The following NHSL1 variants were observed in gnomAD, a reference collection of about 807,000 sequenced individuals.
NHSL1 encodes the protein NHS-like protein 1.
A neutral mutation model predicts 95.0 loss-of-function variants in NHSL1; 48 were observed. That is an observed-to-expected ratio of 0.51 (90% CI 0.40 to 0.64). The LOEUF (loss-of-function observed/expected upper bound fraction) is 0.64, where lower values mean the gene tolerates loss of function less well. NHSL1 is among the 30% of genes least tolerant of loss of function. The pLI is 0.00. For synonymous variants in NHSL1, 783 were observed against 833.9 expected, an observed-to-expected ratio of 0.94 and a Z score of 1.05; for missense variants, 1,971 against 2,077.7, an observed-to-expected ratio of 0.95 and a Z score of 1.00.
chr6:138,553,274 G>C lies in NHSL1; in HGVS notation c.202+18436C>G, dbSNP rs533541488. On this transcript the variant is annotated intron_variant, in intron 1 of 6. Coordinates refer to the NHSL1 transcript ENST00000427025. Reference sequence around the variant, plus strand: ...TTGTACCTCTATTGTCTTGAATCAGGCTATTGCCTCCTTTGTCTGGAATGC... The same window carrying C: ...TTGTACCTCTATTGTCTTGAATCAGCCTATTGCCTCCTTTGTCTGGAATGC... Among the ~76,000 whole-genome samples, 156 of 152,224 alleles carry C rather than the reference G, an allele frequency of 1.0e-3. 1 individual carries two copies. The highest frequency in any genetic ancestry group is 3.6e-3 in the African/African-American group (148 of 41,530).
chr6:138,581,692 CAAAAAAAAAA>C (rs1163761095), intron 1 of NHSL1, among the ~76,000 whole-genome samples: 82 of 67,300 alleles, frequency 1.2e-3, no homozygotes, highest in East Asian at 5.6e-3. Context: ...ACTCCGTCTC[CAAAAAAAAAA>C]AAAAAAAAAA....
intron 4 of NHSL1, among the ~76,000 whole-genome samples, chr6:138,443,749 G>A (rs1195400500): frequency 6.6e-6 from 1 of 152,234 alleles, no homozygotes; most frequent in East Asian, 1.9e-4. Flanking sequence ...AGGATCGCTT[G>A]AGCCTGGGAG....
rs538830024 is a variant in NHSL1, at chr6:138,511,673, C to T, written c.17-15302G>A. ...ATAATAGGCCAGGCAAAGTGGCTGACGCCTGTAATAACAGCACTTTAGAAA... is the reference window on the plus strand; with the variant it reads ...ATAATAGGCCAGGCAAAGTGGCTGATGCCTGTAATAACAGCACTTTAGAAA... On this transcript the variant is annotated intron_variant, in intron 1 of 4. Coordinates refer to the NHSL1 transcript ENST00000342260. 1.2e-4 allele frequency among the ~76,000 whole-genome samples: 18 copies of T among 152,284 alleles called. 1 individual carries two copies. Among genetic ancestry groups the T allele is most frequent in the African/African-American group, 1.9e-4 (8 of 41,552 alleles).
chr6:138,477,865 A>AT (rs753289714), intron 2 of NHSL1, among the ~76,000 whole-genome samples: 1 of 152,066 alleles, frequency 6.6e-6, no homozygotes, highest in Non-Finnish European at 1.5e-5. Context: ...CACGTGTTAG[A>AT]TTTTAAAAGA....
intron 1 of NHSL1, among the ~76,000 whole-genome samples, chr6:138,676,646 TTTTG>T (rs749248904): frequency 5.4e-4 from 82 of 152,058 alleles, no homozygotes; most frequent in Admixed American, 8.5e-4. Context: ...TGCCTCCACT[TTTTG>T]TTTGTTTGTT....
At chr6:138,497,314 G>A (rs1479711828) in intron 1 of NHSL1, among the ~76,000 whole-genome samples, 1 of 152,170 alleles carries the variant, frequency 6.6e-6, no homozygotes, top group African/African-American at 2.4e-5. Context: ...AGGCATAAGA[G>A]AGACTGGAAA....
At chr6:138,494,779 G>A (rs73774825) in intron 2 of NHSL1, among the ~76,000 whole-genome samples, 3,078 of 152,240 alleles carry the variant, frequency 0.02, 49 homozygotes, top group South Asian at 0.077. Context: ...AATACTGCAT[G>A]GTAGGAGAAG....
Position 138,459,713 on chromosome 6 carries a change from C to T in NHSL1, c.340-12520G>A, listed in dbSNP as rs1777867431. Among the ~76,000 whole-genome samples, 7 of 152,210 alleles carry T rather than the reference C, an allele frequency of 4.6e-5. 1 individual carries two copies. The South Asian group carries it at 1.5e-3, about 32-fold the overall frequency. On this transcript the variant is annotated intron_variant, in intron 3 of 7. Transcript: ENST00000343505. Reference sequence around the variant, plus strand: ...ATTAAAAATTGTTGGATTTGGAGGACAAGGCAGATAAATTTTGTTAAGTTC... The same window carrying T: ...ATTAAAAATTGTTGGATTTGGAGGATAAGGCAGATAAATTTTGTTAAGTTC...
At chr6:138,683,156 G>C (rs950585719) in intron 1 of NHSL1, among the ~76,000 whole-genome samples, 1 of 152,120 alleles carries the variant, frequency 6.6e-6, no homozygotes, top group Non-Finnish European at 1.5e-5. Context: ...TGGCTTCCCC[G>C]GCCCCAGTGA....
chr6:138,566,155 T>C (rs1309407471), intron 1 of NHSL1, among the ~76,000 whole-genome samples: 4 of 152,026 alleles, frequency 2.6e-5, no homozygotes, highest in Non-Finnish European at 5.9e-5. Flanking sequence ...CCCAACACTT[T>C]GGGAGGCTGA....
At chr6:138,446,007 G>A (rs557931399) in intron 4 of NHSL1, among the ~76,000 whole-genome samples, 248 of 151,894 alleles carry the variant, frequency 1.6e-3, no homozygotes, top group African/African-American at 5.7e-3. Context: ...TGTGGGCTAT[G>A]GAGGTGATAA....
At chr6:138,682,345 A>G (rs1025565544) in intron 1 of NHSL1, among the ~76,000 whole-genome samples, 4 of 152,232 alleles carry the variant, frequency 2.6e-5, no homozygotes, top group South Asian at 4.1e-4. Context: ...TTTAGATAAA[A>G]TATGCTGTAA....
In NHSL1 at chr6:138,467,242, C is replaced by G. The variant is rs1024203560; in HGVS notation, c.339+6064G>C. 5.9e-5 allele frequency among the ~76,000 whole-genome samples: 9 copies of G among 151,926 alleles called. No individual in the cohort carries two copies. The East Asian group carries it at 1.2e-3, about 20-fold the overall frequency. On this transcript the variant is annotated intron_variant, in intron 3 of 7. Coordinates refer to ENST00000343505, the MANE Select transcript of NHSL1 (RefSeq NM_001144060.2). Reference sequence around the variant, plus strand: ...ATCTCGGCTCACTGCCGGCTCCGCCCCCCGGGTTCACGCCATTCTCCTGCC... The same window carrying G: ...ATCTCGGCTCACTGCCGGCTCCGCCGCCCGGGTTCACGCCATTCTCCTGCC...
rs1373167407 is a variant in NHSL1 at position 138,430,353 on chromosome 6, C to T, written c.3952+40G>A. On this transcript the variant is annotated intron_variant, in intron 6 of 7. Coordinates refer to ENST00000343505, the MANE Select transcript of NHSL1 (RefSeq NM_001144060.2). The surrounding 1 kb of genome is among the most constrained non-coding windows in gnomAD (Gnocchi z 4.7). ...CCTATCTGGTTCAGCTGCATATGGGCAGAGGGCACAGGAGAGAGAAGCCAG... is the reference window on the plus strand; with the variant it reads ...CCTATCTGGTTCAGCTGCATATGGGTAGAGGGCACAGGAGAGAGAAGCCAG... 10 of 1,439,594 alleles carry T rather than the reference C, an allele frequency of 6.9e-6. No individual in the cohort carries two copies. In the Admixed American group the frequency reaches 2.6e-4, roughly 37 times the overall value. 89.2% of individuals were successfully genotyped at this position (1,439,594 alleles called of 1,614,324 possible). A position where few individuals can be genotyped will look rare whatever the true frequency, so the allele number is the denominator to read the frequency against.
intron 1 of NHSL1, among the ~76,000 whole-genome samples, chr6:138,606,945 C>T (rs1311959089): frequency 2.0e-5 from 3 of 151,976 alleles, no homozygotes; most frequent in Non-Finnish European, 4.4e-5. Flanking sequence ...CCTCATGATC[C>T]GCCTGCCTCA....
chr6:138,563,851 TTTGAGGTTTAACAGGATCACTG>T (rs1369889196), intron 1 of NHSL1, among the ~76,000 whole-genome samples: 5 of 152,090 alleles, frequency 3.3e-5, no homozygotes, highest in Non-Finnish European at 7.4e-5. Context: ...GTGACTCATG[TTTGAGGTTTAACAGGATCACTG>T]AGGCTGCTAG....
At chr6:138,512,547 AG>A (rs1781280939) in intron 1 of NHSL1, 16 of 177,228 alleles carry the variant, frequency 9.0e-5, no homozygotes, top group South Asian at 4.4e-4. Context: ...ACACCAAAAA[AG>A]AAAAAAAAAA....
intron 3 of NHSL1, chr6:138,464,369 G>T (rs987277420): frequency 1.1e-5 from 5 of 462,896 alleles, no homozygotes; most frequent in Non-Finnish European, 2.0e-5. Flanking sequence ...GGTCGCCATC[G>T]CTGCCTTCGC....
At chr6:138,673,566 T>G (rs182745474) in intron 1 of NHSL1, among the ~76,000 whole-genome samples, 87 of 152,328 alleles carry the variant, frequency 5.7e-4, no homozygotes, top group African/African-American at 2.0e-3. Context: ...AGGCTCTCAC[T>G]GAATTTTTTT....
Sources: gnomAD v4.1 joint callset for allele counts (sites outside exome capture counted in the v4.1 genomes callset) on GRCh38, gnomAD v4.1.1 for gene constraint, Gnocchi (gnomAD v3.1) non-coding constraint, MANE v1.5 for transcripts, NCBI Gene and HGNC (gene_info 2026-07-23, HGNC 2026-07-21) for gene names.